The following ABCG8 variants were observed in gnomAD, a reference collection of about 807,000 sequenced individuals.
The protein encoded by ABCG8 is ATP-binding cassette sub-family G member 8.
A neutral mutation model predicts 71.3 loss-of-function variants in ABCG8; 81 were observed. The observed-to-expected ratio is 1.14, with a 90% CI of 0.95 to 1.37. ABCG8 has a LOEUF of 1.37. Ranked by LOEUF, ABCG8 falls within the 40% of genes most tolerant of loss-of-function variation. ABCG8 has a pLI of 0.00. For synonymous variants in ABCG8, 451 were observed against 354.7 expected, an observed-to-expected ratio of 1.27 and a Z score of -3.05; for missense variants, 1,119 against 866.2, an observed-to-expected ratio of 1.29 and a Z score of -3.66.
Position 43,872,127 on chromosome 2 carries a change from C to T in ABCG8, c.1116C>T (p.Thr372=). The change falls in exon 7 of 13, where the codon ACC becomes ACT. Residue 372 remains threonine (T), a synonymous_variant. Transcript: ENST00000272286. ...KAETKDLDED[T]CVESSVTPLD... The stretch of plus-strand genomic sequence containing the variant: ...AGACGAAGGATCTTGACGAGGACAC[C>T]TGTGTGGAAAGGTAAGGTGGCAGGC... 6.2e-7 allele frequency: 1 copy of T among 1,614,134 alleles called. No individual in the cohort carries two copies. The highest frequency in any genetic ancestry group is 1.3e-5 in the African/African-American group (1 of 75,046).
intron 6 of ABCG8, among the ~76,000 whole-genome samples, chr2:43,863,749 G>A (rs1669418282): frequency 6.6e-6 from 1 of 151,304 alleles, no homozygotes. Context: ...TATCTGTCTG[G>A]ATAGAACTCT....
chr2:43,876,655 CTG>C (rs1440900537), intron 11 of ABCG8, among the ~76,000 whole-genome samples: 2 of 146,574 alleles, frequency 1.4e-5, no homozygotes, highest in South Asian at 2.2e-4. Flanking sequence ...TATGGGGAGA[CTG>C]TGGGAATATG....
At chr2:43,862,711 A>G (rs572505010) in intron 6 of ABCG8, among the ~76,000 whole-genome samples, 100 of 151,398 alleles carry the variant, frequency 6.6e-4, no homozygotes, top group African/African-American at 2.4e-3. Flanking sequence ...ATCTATCTGG[A>G]TAGAATTCTC....
rs1226809267 is a variant in ABCG8 at position 43,877,624 on chromosome 2, A to G, written c.1820A>G (p.Gln607Arg). ...RWCFEGLMKI[Q>R]FSRRTYKMPL... ...TGTTTTGAAGGGCTGATGAAGATTC[A>G]GTTCAGCAGAAGAACTTATAAAATG... The change falls in exon 12 of 13, where the codon CAG becomes CGG. Residue 607 changes from glutamine to arginine, a missense_variant. By Grantham distance (43) the Gln-to-Arg change is conservative. Coordinates refer to ENST00000272286, the MANE Select transcript of ABCG8 (RefSeq NM_022437.3). 1.2e-6 allele frequency: 2 copies of G among 1,614,044 alleles called. No homozygotes were observed. The highest frequency in any genetic ancestry group is 1.7e-6 in the Non-Finnish European group (2 of 1,180,032).
chr2:43,861,697 A>T (rs1669325361), intron 6 of ABCG8, among the ~76,000 whole-genome samples: 1 of 150,720 alleles, frequency 6.6e-6, no homozygotes. Context: ...CACAATCTGG[A>T]TAGAATTCTC....
At chr2:43,874,510 G>GAC (rs1553383803) in intron 10 of ABCG8, 27 bp downstream of exon 10, 2 of 1,538,952 alleles carry the variant, frequency 1.3e-6, no homozygotes, top group Admixed American at 3.3e-5. Flanking sequence ...GAGAGCAAGT[G>GAC]CCCCCCACCC....
intron 6 of ABCG8, among the ~76,000 whole-genome samples, chr2:43,854,928 C>G (rs1216778870): frequency 6.6e-6 from 1 of 152,180 alleles, no homozygotes; most frequent in Non-Finnish European, 1.5e-5. Context: ...AGGGGCTGAT[C>G]AGATTGGGTC....
At chr2:43,871,865 G>A (rs942408097) in intron 6 of ABCG8, 111 bp from the exon 7 acceptor site, 1 of 1,477,414 alleles carries the variant, frequency 6.8e-7, no homozygotes, top group Non-Finnish European at 9.3e-7. Flanking sequence ...GAATGTCCCA[G>A]AGCCCCACGA....
At chr2:43,870,574 G>T (rs72798835) in intron 6 of ABCG8, among the ~76,000 whole-genome samples, 8,099 of 146,164 alleles carry the variant, frequency 0.055, 249 homozygotes, top group Middle Eastern at 0.14. Flanking sequence ...TCGCTCCGTC[G>T]TAATAGAACT....
chr2:43,869,037 A>T (rs1344725125), intron 6 of ABCG8, among the ~76,000 whole-genome samples: 1 of 151,976 alleles, frequency 6.6e-6, no homozygotes, highest in Non-Finnish European at 1.5e-5. Flanking sequence ...GTCTAGATAG[A>T]ATTTTCACCA....
intron 3 of ABCG8, chr2:43,848,251 C>G (rs2104914951): frequency 6.6e-6 from 1 of 152,360 alleles, no homozygotes; most frequent in East Asian, 1.9e-4. Flanking sequence ...GAGGCTCCCC[C>G]AAGCAATTTG....
rs1668923000 is a variant in ABCG8, at chr2:43,851,737, C to T, written c.476C>T (p.Pro159Leu). The change falls in exon 4 of 13, where the codon CCC (proline) becomes CTC (leucine). Residue 159 changes from proline to leucine, a missense_variant. Transcript: ENST00000272286. ...AHVRQHNQLLPNLTVRETLAF... is the reference protein window; with the variant it reads ...AHVRQHNQLLLNLTVRETLAF... ...GTGCGCCAGCACAACCAGCTGCTCC[C>T]CAACTTGACTGTGCGAGAGACCTTG... The T allele has an allele frequency of 6.2e-7, 1 of 1,614,126 alleles. No individual in the cohort carries two copies. The highest frequency in any genetic ancestry group is 8.5e-7 in the Non-Finnish European group (1 of 1,180,042).
chr2:43,860,941 A>G (rs1487635368), intron 6 of ABCG8, among the ~76,000 whole-genome samples: 2 of 151,114 alleles, frequency 1.3e-5, no homozygotes, highest in Admixed American at 6.6e-5. Flanking sequence ...TAGAACTCTC[A>G]CTATATATCT....
At chr2:43,874,377 C>T (rs747956637) in intron 9 of ABCG8, 30 bp from the exon 10 acceptor site, 4 of 1,498,366 alleles carry the variant, frequency 2.7e-6, no homozygotes, top group Non-Finnish European at 3.7e-6. Flanking sequence ...TCTACTTCTT[C>T]ATTCTCTTTT....
intron 6 of ABCG8, among the ~76,000 whole-genome samples, chr2:43,858,082 C>T (rs1164473562): frequency 2.0e-5 from 3 of 151,448 alleles, no homozygotes; most frequent in Admixed American, 2.0e-4. Context: ...GGAGAGAATT[C>T]TCACTCTCTG....
chr2:43,870,465 C>T (rs1414429969), intron 6 of ABCG8, among the ~76,000 whole-genome samples: 1 of 152,112 alleles, frequency 6.6e-6, no homozygotes, highest in Non-Finnish European at 1.5e-5. Flanking sequence ...TTCTCACTAT[C>T]TGGGTAGTAT....
At chr2:43,847,954 A>G (rs13430143) in intron 3 of ABCG8, 66,408 of 150,938 alleles carry the variant, frequency 0.44, 15,243 homozygotes, top group East Asian at 0.86. Flanking sequence ...TTGTAGAGAT[A>G]TGGTTTTGCC....
At chr2:43,868,398 A>G (rs2104940775) in intron 6 of ABCG8, among the ~76,000 whole-genome samples, 1 of 151,514 alleles carries the variant, frequency 6.6e-6, no homozygotes, top group East Asian at 1.9e-4. Flanking sequence ...CTCTGGATAG[A>G]ACTCTCACTA....
intron 3 of ABCG8, among the ~76,000 whole-genome samples, chr2:43,849,983 T>A (rs1352795017): frequency 2.0e-5 from 3 of 152,110 alleles, no homozygotes; most frequent in Non-Finnish European, 4.4e-5. Flanking sequence ...GCGGATCACC[T>A]GAGGTCAGGG....
Sources: allele counts gnomAD v4.1 joint callset (sites outside exome capture counted in the v4.1 genomes callset), GRCh38; gene constraint gnomAD v4.1.1; transcripts MANE v1.5; gene names NCBI Gene and HGNC (gene_info 2026-07-23, HGNC 2026-07-21).